Variants in EPB41L2 observed in about 807,000 individuals in gnomAD.
EPB41L2 encodes the protein band 4.1-like protein 2.
Under a neutral mutation model 113.0 loss-of-function variants are expected in EPB41L2, and 43 were observed. That is an observed-to-expected ratio of 0.38 (90% CI 0.30 to 0.49). EPB41L2 has a LOEUF of 0.49. Ranked by LOEUF, EPB41L2 falls within the 20% of genes least tolerant of loss-of-function variation. The pLI is 0.95. For synonymous variants in EPB41L2, 442 were observed against 436.7 expected (o/e 1.01, Z -0.15); for missense variants, 1,147 against 1,223.4 (o/e 0.94, Z 0.93).
At chr6:131,053,434 TAAAAA>T (rs71030727) in intron 1 of EPB41L2, among the ~76,000 whole-genome samples, 6 of 88,904 alleles carry the variant, frequency 6.7e-5, no homozygotes, top group African/African-American at 2.6e-4. Flanking sequence ...ATGGAAATGA[TAAAAA>T]AAAAAAAAAA....
At chr6:131,010,435 C>T (rs930989702) in intron 1 of EPB41L2, among the ~76,000 whole-genome samples, 5 of 141,116 alleles carry the variant, frequency 3.5e-5, no homozygotes, top group African/African-American at 5.2e-5. Context: ...TTTTTTGAAA[C>T]GCAGTTTCAC....
At chr6:130,981,846 T>C (rs1195499938) in intron 1 of EPB41L2, among the ~76,000 whole-genome samples, 2 of 152,122 alleles carry the variant, frequency 1.3e-5, no homozygotes, top group Non-Finnish European at 2.9e-5. Context: ...AAAGTATATG[T>C]GGTTTTCATT....
intron 5 of EPB41L2, among the ~76,000 whole-genome samples, chr6:130,906,285 A>G (rs903674679): frequency 2.0e-5 from 3 of 152,208 alleles, no homozygotes; most frequent in African/African-American, 7.2e-5. Flanking sequence ...TTCCAAATCT[A>G]AAAGCTGTTG....
At chr6:130,956,644 A>C (rs1378740818) in intron 1 of EPB41L2, 145 bp from the exon 2 acceptor site, 2 of 804,916 alleles carry the variant, frequency 2.5e-6, no homozygotes, top group African/African-American at 3.5e-5. Flanking sequence ...ATTCAAAAGC[A>C]CAAGACAAAA....
In EPB41L2 at chr6:130,887,075, GA is replaced by G. The variant is rs200083511; in HGVS notation, c.1661-1808del. The stretch of plus-strand genomic sequence containing the variant: ...TACATACTCAGAAATTTTGCAAAAT[GA>G]AAAAAATCTGACCTAGAAATGGCTT... On this transcript the variant is annotated intron_variant, in intron 11 of 19. Coordinates refer to ENST00000337057, the MANE Select transcript of EPB41L2 (RefSeq NM_001431.4). Among the ~76,000 whole-genome samples, 1,359 of 152,150 alleles carry G rather than the reference GA, an allele frequency of 8.9e-3. 14 individuals carry two copies. Among genetic ancestry groups the G allele is most frequent in the Middle Eastern group, 0.027 (8 of 294 alleles).
chr6:130,878,034 A>C, intron 14 of EPB41L2, 70 bp downstream of exon 14: 126 of 1,441,756 alleles, frequency 8.7e-5, no homozygotes, highest in Non-Finnish European at 1.1e-4. Flanking sequence ...GACTCAACAT[A>C]GAGATTAACA....
intron 13 of EPB41L2, among the ~76,000 whole-genome samples, chr6:130,879,182 CA>C (rs1258452701): frequency 2.6e-5 from 4 of 152,152 alleles, no homozygotes; most frequent in Non-Finnish European, 5.9e-5. Context: ...GTCATGCAAC[CA>C]ATAAAATTAG....
At chr6:130,897,973 G>T (rs1448447017) in intron 8 of EPB41L2, among the ~76,000 whole-genome samples, 1 of 151,470 alleles carries the variant, frequency 6.6e-6, no homozygotes, top group African/African-American at 2.4e-5. Context: ...TAAAAATGAT[G>T]CTGCCAGAGA....
intron 1 of EPB41L2, among the ~76,000 whole-genome samples, chr6:130,968,900 A>G (rs1385000851): frequency 6.6e-6 from 1 of 152,164 alleles, no homozygotes; most frequent in Non-Finnish European, 1.5e-5. Flanking sequence ...GAAGTTCAAC[A>G]TTTGCAAAAG....
chr6:130,878,883 C>T (rs546689731), intron 13 of EPB41L2, among the ~76,000 whole-genome samples: 5 of 152,252 alleles, frequency 3.3e-5, no homozygotes, highest in African/African-American at 1.2e-4. Flanking sequence ...TCTGTTTAGC[C>T]TCTTTATAGA....
At chr6:130,854,196 C>A (rs1779571104) in intron 19 of EPB41L2, among the ~76,000 whole-genome samples, 1 of 152,072 alleles carries the variant, frequency 6.6e-6, no homozygotes, top group Non-Finnish European at 1.5e-5. Flanking sequence ...ACATTTTGTT[C>A]ATTTGTTAAT....
chr6:130,974,861 G>T (rs911602916), intron 1 of EPB41L2, among the ~76,000 whole-genome samples: 3 of 151,306 alleles, frequency 2.0e-5, no homozygotes, highest in Non-Finnish European at 2.9e-5. Context: ...GAGTTCAAGC[G>T]ATTCTCCTGC....
At chr6:131,030,401 G>C (rs1791902961) in intron 1 of EPB41L2, among the ~76,000 whole-genome samples, 1 of 152,208 alleles carries the variant, frequency 6.6e-6, no homozygotes, top group South Asian at 2.1e-4. Context: ...TAAATAGCCA[G>C]GACCTGGCTA....
intron 14 of EPB41L2, among the ~76,000 whole-genome samples, chr6:130,876,209 A>AG (rs2128459463): frequency 6.6e-6 from 1 of 152,282 alleles, no homozygotes; most frequent in Admixed American, 6.5e-5. Context: ...GAGAGAGGTG[A>AG]GGGGCTGCTA....
At chr6:131,047,183 T>G (rs2128191255) in intron 1 of EPB41L2, among the ~76,000 whole-genome samples, 1 of 152,178 alleles carries the variant, frequency 6.6e-6, no homozygotes, top group Non-Finnish European at 1.5e-5. Context: ...TAAAAGTGCT[T>G]ATAGATAACC....
intron 1 of EPB41L2, among the ~76,000 whole-genome samples, chr6:130,957,005 T>C (rs1409794731): frequency 1.3e-5 from 2 of 152,216 alleles, no homozygotes; most frequent in African/African-American, 2.4e-5. Context: ...AAAAACAGTT[T>C]TAAGTGTATG....
chr6:131,045,400 T>C (rs2128189034), intron 1 of EPB41L2, among the ~76,000 whole-genome samples: 1 of 152,236 alleles, frequency 6.6e-6, no homozygotes, highest in African/African-American at 2.4e-5. Flanking sequence ...GAGATTCTTC[T>C]AAGTCACTGA....
chr6:130,926,543 A>G, intron 4 of EPB41L2, 62 bp downstream of exon 4: 4 of 1,195,764 alleles, frequency 3.3e-6, no homozygotes, highest in South Asian at 1.3e-5. Context: ...ACTGAGATAA[A>G]CTGGTTAATA....
At chr6:130,954,256 T>C (rs187001136) in intron 3 of EPB41L2, among the ~76,000 whole-genome samples, 2 of 151,902 alleles carry the variant, frequency 1.3e-5, no homozygotes, top group African/African-American at 2.4e-5. Context: ...GGTTTCACCA[T>C]GTTAGCCAGG....
Sources: gnomAD v4.1 joint callset for allele counts (sites outside exome capture counted in the v4.1 genomes callset) on GRCh38, gnomAD v4.1.1 for gene constraint, MANE v1.5 for transcripts, NCBI Gene and HGNC (gene_info 2026-07-23, HGNC 2026-07-21) for gene names.